The following MAP9 variants were observed in gnomAD, a reference collection of about 807,000 sequenced individuals.
The protein encoded by MAP9 is microtubule-associated protein 9.
Under a neutral mutation model 75.2 loss-of-function variants are expected in MAP9, and 80 were observed. That is an observed-to-expected ratio of 1.06 (90% confidence interval 0.89 to 1.28). MAP9 has a LOEUF of 1.28. Among genes scored for constraint, MAP9 ranks in the 50% most tolerant of loss-of-function variants. The pLI, the probability that MAP9 is intolerant of heterozygous loss-of-function variation, is 0.00. For synonymous variants in MAP9, 235 were observed against 237.3 expected, an observed-to-expected ratio of 0.99 and a Z score of 0.09; for missense variants, 753 against 719.9, an observed-to-expected ratio of 1.05 and a Z score of -0.53.
Position 155,362,095 on chromosome 4 carries a change from A to G in MAP9, c.755T>C (p.Leu252Pro). 1 of 1,599,798 alleles carries G rather than the reference A, an allele frequency of 6.3e-7. No homozygotes were observed. Among genetic ancestry groups the G allele is most frequent in the Non-Finnish European group, 8.5e-7 (1 of 1,175,736 alleles). Residue 252 changes from leucine (L) to proline (P), a missense_variant, in exon 6 of 14, where the codon CTT becomes CCT. Transcript: ENST00000311277. ...SLASSSLKQI[L>P]GDSFSPGSEG... ...AGATCCTGGTGAAAAAGAATCTCCA[A>G]GAATTTGTTTAAGTGATGATGATGC...
intron 5 of MAP9, among the ~76,000 whole-genome samples, chr4:155,366,197 A>G (rs929435532): frequency 6.6e-6 from 1 of 152,082 alleles, no homozygotes; most frequent in African/African-American, 2.4e-5. Flanking sequence ...CGTCTCTACT[A>G]AAAATACAAA....
In MAP9 at chr4:155,376,761, A is replaced by T. The variant is rs1732868066; in HGVS notation, c.-65+10T>A. Reference sequence around the variant, plus strand: ...AATCAAGAGCCAAGCATCGGGTAGGAGCTGCTCACCTTGGTCTGGGCCTGG... The same window carrying T: ...AATCAAGAGCCAAGCATCGGGTAGGTGCTGCTCACCTTGGTCTGGGCCTGG... On this transcript the variant is annotated intron_variant, in intron 1 of 13. Transcript: ENST00000311277. 6.5e-6 allele frequency: 1 copy of T among 152,906 alleles called. No individual in the cohort carries two copies. Among genetic ancestry groups the T allele is most frequent in the Non-Finnish European group, 1.5e-5 (1 of 68,306 alleles). The allele number at this position is 152,906 out of a possible 1,614,324, so 9.5% of individuals were successfully genotyped here. A position where few individuals can be genotyped will look rare whatever the true frequency, so the allele number is the denominator to read the frequency against.
intron 4 of MAP9, among the ~76,000 whole-genome samples, chr4:155,372,448 G>A (rs567510632): frequency 2.0e-5 from 3 of 152,204 alleles, no homozygotes; most frequent in South Asian, 2.1e-4. Flanking sequence ...CTTGGTCTCC[G>A]TTTCATTCTA....
chr4:155,349,999 T>C (rs998938732), intron 13 of MAP9: 1 of 232,770 alleles, frequency 4.3e-6, no homozygotes, highest in Non-Finnish European at 8.5e-6. Context: ...CAGACATTTA[T>C]TTGTGGAAAA....
intron 8 of MAP9, chr4:155,357,021 T>C (rs1472008555): frequency 1.2e-5 from 2 of 170,684 alleles, no homozygotes; most frequent in Admixed American, 1.3e-4. Context: ...TAGACAATGA[T>C]ACTTGATAAT....
intron 4 of MAP9, among the ~76,000 whole-genome samples, chr4:155,370,476 G>A (rs1389065262): frequency 2.6e-5 from 4 of 152,110 alleles, no homozygotes. Context: ...CAGTTGTCAT[G>A]CACACATACC....
chr4:155,363,832 AT>A (rs1732200042), intron 5 of MAP9, among the ~76,000 whole-genome samples: 1 of 152,184 alleles, frequency 6.6e-6, no homozygotes, highest in Non-Finnish European at 1.5e-5. Flanking sequence ...AGGAAAAAAG[AT>A]TTAAGAAATA....
Position 155,374,870 on chromosome 4 carries a change from T to G in MAP9, c.160+67A>C, listed in dbSNP as rs967909537. On this transcript the variant is annotated intron_variant, in intron 3 of 13. Transcript: ENST00000311277. ...TTGAGGGGATGGGTGGTTGGGGGGC[T>G]GGCTAAATACAAAACTAAGGAAGCA... The G allele has an allele frequency of 7.0e-5, 70 of 994,604 alleles. No individual in the cohort carries two copies. The African/African-American group carries it at 1.1e-3, about 15-fold the overall frequency. The allele number at this position is 994,604 out of a possible 1,614,324, so 61.6% of individuals were successfully genotyped here. A position where few individuals can be genotyped will look rare whatever the true frequency, so the allele number is the denominator to read the frequency against.
At position 155,375,899 on chromosome 4, in the gene MAP9, C is replaced by G; in HGVS notation, c.-49G>C. On this transcript the variant is annotated 5_prime_UTR_variant, in exon 2 of 14. Transcript: ENST00000311277. ...TATAAAATAGCTAATTATTAGAATT[C>G]AACTTCTGATAGTAGCTGAAATATA... 2.4e-6 allele frequency: 3 copies of G among 1,248,800 alleles called. No homozygotes were observed. Among genetic ancestry groups the G allele is most frequent in the South Asian group, 1.3e-5 (1 of 79,332 alleles). 77.4% of individuals were successfully genotyped at this position (1,248,800 alleles called of 1,614,324 possible).
In MAP9 at chr4:155,355,778, G is replaced by A. The variant is rs745986723; in HGVS notation, c.1228C>T (p.Pro410Ser). 6.2e-7 allele frequency: 1 copy of A among 1,613,922 alleles called. No individual in the cohort carries two copies. The highest frequency in any genetic ancestry group is 1.1e-5 in the South Asian group (1 of 91,076). The change falls in exon 9 of 14, where the codon CCT (proline) becomes TCT (serine). Residue 410 changes from proline to serine, a missense_variant. Physicochemically the swap from Pro to Ser is moderately conservative, Grantham distance 74 (BLOSUM62 -1). Coordinates refer to ENST00000311277, the MANE Select transcript of MAP9 (RefSeq NM_001039580.2). ...LGTLKVLDQK[P>S]SQKQSIEPDR... ...GGTTCTATGCTCTGTTTCTGTGAAG[G>A]TTTTTGGTCCAAGACTTTTAAAGTC... is the stretch of plus-strand genomic sequence containing the variant.
At chr4:155,352,104 A>G (rs186843083) in intron 13 of MAP9, among the ~76,000 whole-genome samples, 1 of 152,078 alleles carries the variant, frequency 6.6e-6, no homozygotes, top group African/African-American at 2.4e-5. Context: ...CTCCTCCTAA[A>G]CCTCAAACCT....
chr4:155,373,882 TATATTTTTTC>T (rs1455605476), intron 3 of MAP9, among the ~76,000 whole-genome samples: 2 of 152,198 alleles, frequency 1.3e-5, no homozygotes, highest in Non-Finnish European at 2.9e-5. Context: ...AATTACTAAT[TATATTTTTTC>T]CATAAAAATT....
chr4:155,360,196 A>G lies in MAP9; in HGVS notation c.1022T>C (p.Ile341Thr). 6.2e-7 allele frequency: 1 copy of G among 1,612,464 alleles called. No individual in the cohort carries two copies. The highest frequency in any genetic ancestry group is 8.5e-7 in the Non-Finnish European group (1 of 1,178,808). The part of the protein sequence containing the change: ...PLLSKSQSIL[I>T]STSATASSKK... ...TGAAGATGCTGTTGCACTGGTAGAT[A>G]TTAAGATACTCTGAGATTTAGATAG... The change falls in exon 7 of 14, where the codon ATA becomes ACA. Residue 341 changes from isoleucine to threonine, a missense_variant. By Grantham distance (89) the Ile-to-Thr change is moderately conservative. Coordinates refer to ENST00000311277, the MANE Select transcript of MAP9 (RefSeq NM_001039580.2).
intron 7 of MAP9, among the ~76,000 whole-genome samples, chr4:155,359,317 CCTTAA>C (rs1731955714): frequency 2.0e-5 from 3 of 151,228 alleles, no homozygotes; most frequent in African/African-American, 7.3e-5. Flanking sequence ...GAGGCTATTA[CCTTAA>C]GTGAAATAAA....
chr4:155,358,506 CCT>C lies in MAP9; in HGVS notation c.1051-989_1051-988del, dbSNP rs1485950582. Among the ~76,000 whole-genome samples, 4 of 152,116 alleles carry C rather than the reference CCT, an allele frequency of 2.6e-5. No individual in the cohort carries two copies. The East Asian group carries it at 7.7e-4, about 29-fold the overall frequency. On this transcript the variant is annotated intron_variant, in intron 7 of 13. Coordinates refer to ENST00000311277, the MANE Select transcript of MAP9 (RefSeq NM_001039580.2). ...GCTCAAACACAAATTTTCAGCTAGC[CCT>C]GTTTTCTTCCGCTGATAATAAACAC...
At chr4:155,368,990 G>C (rs1285401531) in intron 4 of MAP9, 178 bp from the exon 5 acceptor site, 1 of 572,384 alleles carries the variant, frequency 1.7e-6, no homozygotes, top group East Asian at 2.8e-5. Context: ...ACAAATAAAT[G>C]ATGGTTAATA....
At chr4:155,367,613 C>T (rs1732389815) in intron 5 of MAP9, 1 of 152,236 alleles carries the variant, frequency 6.6e-6, no homozygotes, top group Non-Finnish European at 1.5e-5. Flanking sequence ...GTTTCTTCTT[C>T]TGGTTTTCAG....
chr4:155,352,470 T>C, intron 13 of MAP9, 126 bp downstream of exon 13: 2 of 944,682 alleles, frequency 2.1e-6, no homozygotes, highest in South Asian at 3.0e-5. Context: ...AGAGCTTGAA[T>C]TCAACAAAGC....
At chr4:155,356,230 G>A (rs908386897) in intron 8 of MAP9, among the ~76,000 whole-genome samples, 1 of 151,932 alleles carries the variant, frequency 6.6e-6, no homozygotes, top group Non-Finnish European at 1.5e-5. Context: ...TCATGCCACT[G>A]AACTCCAGCC....
Sources: gnomAD v4.1 joint callset for allele counts (sites outside exome capture counted in the v4.1 genomes callset) on GRCh38, gnomAD v4.1.1 for gene constraint, MANE v1.5 for transcripts, NCBI Gene and HGNC (gene_info 2026-07-23, HGNC 2026-07-21) for gene names.